Variants in PARVG observed in about 807,000 individuals in gnomAD.
PARVG encodes parvin gamma, also known as gamma-parvin.
PARVG carries 36 observed loss-of-function variants against 44.4 expected under a neutral mutation model. That is an observed-to-expected ratio of 0.81 (90% confidence interval 0.62 to 1.07). The LOEUF is 1.07. PARVG is among the 50% of genes least tolerant of loss of function. PARVG has a pLI of 0.00. For synonymous variants in PARVG, 170 were observed against 174.1 expected, an observed-to-expected ratio of 0.98 and a Z score of 0.19; for missense variants, 407 against 407.4, an observed-to-expected ratio of 1.00 and a Z score of 0.01.
chr22:44,185,821 A>C lies in PARVG; in HGVS notation c.93A>C (p.Lys31Asn). The change falls in exon 4 of 14, where the codon AAA (lysine) becomes AAC (asparagine). Residue 31 changes from lysine to asparagine, a missense_variant. By Grantham distance (94) the Lys-to-Asn change is moderately conservative. Coordinates refer to ENST00000444313, the MANE Select transcript of PARVG (RefSeq NM_022141.7). ...EEELSKGGKK[K>N]YLPPTSRKDP... ...CTCTGCTTCCAGGAGGAAAGAAGAA[A>C]TACCTGCCACCCACTTCCCGGAAGG... 1 of 1,613,464 alleles carries C rather than the reference A, an allele frequency of 6.2e-7. No individual in the cohort carries two copies. Among genetic ancestry groups the C allele is most frequent in the Non-Finnish European group, 8.5e-7 (1 of 1,179,646 alleles).
At chr22:44,173,165 A>T in exon 1 of PARVG, 1 of 1,280,396 alleles carries the variant, frequency 7.8e-7, no homozygotes, top group Non-Finnish European at 1.0e-6. Context: ...CCACAAGGAG[A>T]AGAGGGCAGC....
At chr22:44,180,237 C>T (rs1466088807), upstream of PARVG, among the ~76,000 whole-genome samples, 4 of 152,170 alleles carry the variant, frequency 2.6e-5, no homozygotes, top group Admixed American at 1.3e-4. Context: ...GGCTCTGCCA[C>T]CCACTCCCTC....
Position 44,187,879 on chromosome 22 carries a change from G to C in PARVG, c.247+1G>C, listed in dbSNP as rs773518656. 1 of 1,614,062 alleles carries C rather than the reference G, an allele frequency of 6.2e-7. No individual in the cohort carries two copies. The highest frequency in any genetic ancestry group is 2.2e-5 in the East Asian group (1 of 44,886). ...GGGCTCATCCTACACCACCTATTCC[G>C]TAAGTGGCTGTTTCTGGGGCTGCCT... On this transcript the variant is annotated splice_donor_variant, in intron 5 of 13. Coordinates refer to ENST00000444313, the MANE Select transcript of PARVG (RefSeq NM_022141.7). LOFTEE classifies it high-confidence loss of function.
intron 1 of PARVG, among the ~76,000 whole-genome samples, chr22:44,173,483 G>C (rs796862857): frequency 3.9e-5 from 6 of 152,226 alleles, no homozygotes; most frequent in African/African-American, 1.4e-4. Flanking sequence ...ACGAAATGAT[G>C]ATAAAATTGT....
At position 44,187,691 on chromosome 22, in the gene PARVG, G is replaced by A. The variant is rs112206743; in HGVS notation, c.145-85G>A. 782 of 1,270,894 alleles carry A rather than the reference G, an allele frequency of 6.2e-4. 1 individual carries two copies. In the African/African-American group the frequency reaches 9.0e-3, roughly 15 times the overall value. The allele number at this position is 1,270,894 out of a possible 1,614,324, so 78.7% of individuals were successfully genotyped here. A position where few individuals can be genotyped will look rare whatever the true frequency, so the allele number is the denominator to read the frequency against. ...CTTGAAAGATGGGTAGGAGTTGGCA[G>A]GCGAGAGGCAGGCATTCTGAGCCAG... On this transcript the variant is annotated intron_variant, in intron 4 of 13. Transcript: ENST00000444313.
intron 5 of PARVG, chr22:44,188,112 C>T: frequency 1.7e-6 from 1 of 577,726 alleles, no homozygotes; most frequent in Non-Finnish European, 3.1e-6. Flanking sequence ...AGGGTTGGTG[C>T]TCTTTCTACC....
chr22:44,205,211 C>T (rs759714686), intron 12 of PARVG, among the ~76,000 whole-genome samples: 15 of 152,228 alleles, frequency 9.9e-5, no homozygotes, highest in Admixed American at 3.9e-4. Flanking sequence ...AGCATTGGAG[C>T]GGACAGACCT....
chr22:44,208,372 C>G lies in PARVG; in HGVS notation c.*1946C>G, dbSNP rs1308972655. The G allele has an allele frequency of 6.6e-6, 1 of 152,220 alleles. No individual in the cohort carries two copies. The highest frequency in any genetic ancestry group is 1.9e-4 in the East Asian group (1 of 5,198). 9.4% of individuals were successfully genotyped at this position (152,220 alleles called of 1,614,324 possible). A position where few individuals can be genotyped will look rare whatever the true frequency, so the allele number is the denominator to read the frequency against. ...TTTCTGCATCTGTCTGCAGCCAGTT[C>G]CCTTCTCCCAGCCCCTGGCCCTGGG... is the stretch of plus-strand genomic sequence containing the variant. On this transcript the variant is annotated 3_prime_UTR_variant, in exon 14 of 14. Transcript: ENST00000444313.
intron 4 of PARVG, chr22:44,187,410 G>T: frequency 3.3e-6 from 1 of 307,062 alleles, no homozygotes; most frequent in Non-Finnish European, 6.3e-6. Context: ...CACCTCTTCA[G>T]GGCAATCTAG....
intron 6 of PARVG, among the ~76,000 whole-genome samples, chr22:44,190,141 G>T (rs1389524613): frequency 6.6e-6 from 1 of 152,286 alleles, no homozygotes; most frequent in Admixed American, 6.5e-5. Flanking sequence ...GGTCCCATGC[G>T]CCTGCATTCG....
intron 1 of PARVG, 161 bp from the exon 2 acceptor site, chr22:44,181,581 G>A (rs2054378483): frequency 1.7e-6 from 1 of 594,108 alleles, no homozygotes; most frequent in Non-Finnish European, 2.1e-6. Flanking sequence ...GTTTGGGGAA[G>A]GCGGGGAGAG....
chr22:44,191,388 A>ATTTTTT (rs35954868), intron 7 of PARVG, among the ~76,000 whole-genome samples: 5 of 63,468 alleles, frequency 7.9e-5, no homozygotes, highest in Admixed American at 2.4e-4. Flanking sequence ...AGTCATTTCT[A>ATTTTTT]TTTTTTTTTT....
intron 8 of PARVG, among the ~76,000 whole-genome samples, chr22:44,192,343 C>G (rs961419330): frequency 6.6e-6 from 1 of 152,068 alleles, no homozygotes; most frequent in South Asian, 2.1e-4. Flanking sequence ...GCTTTGTTTT[C>G]TAGGGTGGGG....
In PARVG at chr22:44,207,984, T is replaced by C. The variant is rs2054802160; in HGVS notation, c.*1558T>C. On this transcript the variant is annotated 3_prime_UTR_variant, in exon 14 of 14. Coordinates refer to ENST00000444313, the MANE Select transcript of PARVG (RefSeq NM_022141.7). Reference sequence around the variant, plus strand: ...TCCACCTGCTCAGGTGCCCCCTCCATTGCGATGCCCCCTCCAGCACCTCAA... The same window carrying C: ...TCCACCTGCTCAGGTGCCCCCTCCACTGCGATGCCCCCTCCAGCACCTCAA... 1 of 152,466 alleles carries C rather than the reference T, an allele frequency of 6.6e-6. No homozygotes were observed. The highest frequency in any genetic ancestry group is 1.9e-4 in the East Asian group (1 of 5,176). 9.4% of individuals were successfully genotyped at this position (152,466 alleles called of 1,614,324 possible).
rs2054412751 is a variant in PARVG at position 44,183,326 on chromosome 22, G to A, written c.-4G>A. On this transcript the variant is annotated 5_prime_UTR_variant, in exon 3 of 14. Transcript: ENST00000444313. ...CTGCCTCCTCTGTGCAGGCTTGGGA[G>A]GCGATGGAGCCGGAGTTCTTGTACG... The A allele has an allele frequency of 1.2e-6, 2 of 1,608,712 alleles. No individual in the cohort carries two copies. Among genetic ancestry groups the A allele is most frequent in the African/African-American group, 1.3e-5 (1 of 74,974 alleles).
upstream of PARVG, among the ~76,000 whole-genome samples, chr22:44,175,989 C>T (rs991418056): frequency 6.6e-6 from 1 of 152,242 alleles, no homozygotes; most frequent in African/African-American, 2.4e-5. Context: ...AAGTATGCAA[C>T]ACCTTTGTGG....
chr22:44,196,476 AG>A (rs1489601236), intron 11 of PARVG, 61 bp downstream of exon 11: 10 of 1,583,648 alleles, frequency 6.3e-6, no homozygotes, highest in African/African-American at 1.3e-5. Context: ...GGAAGGAAAG[AG>A]GGTTCTGCAG....
chr22:44,199,530 A>T (rs1183256629), intron 12 of PARVG, among the ~76,000 whole-genome samples: 1 of 152,228 alleles, frequency 6.6e-6, no homozygotes, highest in Non-Finnish European at 1.5e-5. Context: ...TTGATCCAAC[A>T]TAGCTCTTGC....
At position 44,187,871 on chromosome 22, in the gene PARVG, C is replaced by T; in HGVS notation, c.240C>T (p.His80=). 6.2e-7 allele frequency: 1 copy of T among 1,614,218 alleles called. No homozygotes were observed. The highest frequency in any genetic ancestry group is 8.5e-7 in the Non-Finnish European group (1 of 1,180,042). Reference sequence around the variant, plus strand: ...TGTTCGACGGGCTCATCCTACACCACCTATTCCGTAAGTGGCTGTTTCTGG... The same window carrying T: ...TGTTCGACGGGCTCATCCTACACCATCTATTCCGTAAGTGGCTGTTTCTGG... The part of the protein sequence containing the change: ...EDMFDGLILH[H]LFQRLAALKL... The change falls in exon 5 of 14, where the codon CAC becomes CAT. Residue 80 remains histidine (H), a synonymous_variant. Transcript: ENST00000444313.
Sources: gnomAD v4.1 joint callset for allele counts (sites outside exome capture counted in the v4.1 genomes callset) on GRCh38, gnomAD v4.1.1 for gene constraint, MANE v1.5 for transcripts, NCBI Gene and HGNC (gene_info 2026-07-23, HGNC 2026-07-21) for gene names.